Variants in RP1L1 observed in about 807,000 individuals in gnomAD.
RP1L1 encodes the protein RP1 like 1.
RP1L1 carries 27 observed loss-of-function variants against 15.7 expected under a neutral mutation model. The observed-to-expected ratio is 1.72, with a 90% confidence interval of 1.27 to 2.38. The LOEUF (loss-of-function observed/expected upper bound fraction) is 2.38, where lower values mean the gene tolerates loss of function less well. Ranked by LOEUF, RP1L1 falls within the 30% of genes most tolerant of loss-of-function variation. RP1L1 has a pLI of 0.00. For synonymous variants in RP1L1, 1,813 were observed against 1,276.7 expected (o/e 1.42, Z -8.96); for missense variants, 4,798 against 3,075.9 (o/e 1.56, Z -13.24).
In RP1L1 at chr8:10,611,911, G is replaced by A. The variant is rs771202307; in HGVS notation, c.2187C>T (p.Ser729=). 4 of 1,613,790 alleles carry A rather than the reference G, an allele frequency of 2.5e-6. No homozygotes were observed. The highest frequency in any genetic ancestry group is 3.4e-6 in the Non-Finnish European group (4 of 1,180,046). The change falls in exon 4 of 4, where the codon TCC becomes TCT. Residue 729 remains serine, a synonymous_variant. Coordinates refer to ENST00000382483, the MANE Select transcript of RP1L1 (RefSeq NM_178857.6). ...LRPPSSGSLP[S]QDLLGTSSAT... is the part of the protein sequence containing the mutation. Reference sequence around the variant, plus strand: ...CACTGCTGGTTCCCAGAAGGTCCTGGGAAGGAAGAGAGCCCGAGGAGGGAG... The same window carrying A: ...CACTGCTGGTTCCCAGAAGGTCCTGAGAAGGAAGAGAGCCCGAGGAGGGAG...
rs530918798 is a variant in RP1L1, at chr8:10,608,166, C to G, written c.5932G>C (p.Glu1978Gln). Residue 1978 changes from glutamate to glutamine, a missense_variant, in exon 4 of 4, where the codon GAG (glutamate) becomes CAG (glutamine). Physicochemically the swap from Glu to Gln is conservative, Grantham distance 29 (BLOSUM62 2). Coordinates refer to ENST00000382483, the MANE Select transcript of RP1L1 (RefSeq NM_178857.6). ...EEAQPESEDV[E>Q]ALEVEVETQE... ...GTCTCCACTTCAACCTCCAGGGCCT[C>G]TACATCTTCTGACTCTGGCTGGGCT... is the stretch of plus-strand genomic sequence containing the variant. 1.2e-6 allele frequency: 2 copies of G among 1,610,600 alleles called. No individual in the cohort carries two copies. Among genetic ancestry groups the G allele is most frequent in the Non-Finnish European group, 1.7e-6 (2 of 1,179,494 alleles).
chr8:10,623,784 C>T (rs1173717756), intron 1 of RP1L1, among the ~76,000 whole-genome samples: 3 of 151,984 alleles, frequency 2.0e-5, no homozygotes, highest in African/African-American at 7.3e-5. Flanking sequence ...GTCCCCAGCA[C>T]AGCACCACAT....
intron 1 of RP1L1, among the ~76,000 whole-genome samples, chr8:10,636,191 C>G (rs949273400): frequency 1.3e-5 from 2 of 152,220 alleles, no homozygotes; most frequent in Non-Finnish European, 2.9e-5. Context: ...ATCGCTCAGA[C>G]TTTCTGGGTC....
At chr8:10,621,920 C>T in intron 2 of RP1L1, 4 of 387,328 alleles carry the variant, frequency 1.0e-5, no homozygotes, top group South Asian at 5.8e-5. Context: ...AAACATGAAG[C>T]CCTCCAACGC....
At position 10,609,607 on chromosome 8, in the gene RP1L1, C is replaced by T. The variant is rs1244527584; in HGVS notation, c.4491G>A (p.Gln1497=). Residue 1497 remains glutamine, a synonymous_variant, in exon 4 of 4, where the codon CAG becomes CAA. Transcript: ENST00000382483. The stretch of plus-strand genomic sequence containing the variant: ...CCGAAGAGCTCCTCTCTGCAGCCCC[C>T]TGGGTGGGTTGGGCCTGCGTGTGCT... The part of the protein sequence containing the change: ...GQEHTQAQPT[Q]GAAERSSSVA... 1.2e-6 allele frequency: 2 copies of T among 1,607,168 alleles called. No homozygotes were observed. Among genetic ancestry groups the T allele is most frequent in the Non-Finnish European group, 1.7e-6 (2 of 1,179,812 alleles).
intron 1 of RP1L1, among the ~76,000 whole-genome samples, chr8:10,644,239 C>G (rs1046459549): frequency 5.4e-5 from 8 of 149,230 alleles, no homozygotes; most frequent in African/African-American, 2.0e-4. Flanking sequence ...TCTCACTAGG[C>G]AGTAAGGACT....
intron 2 of RP1L1, among the ~76,000 whole-genome samples, chr8:10,617,392 T>C (rs1340965170): frequency 1.9e-5 from 2 of 107,208 alleles, no homozygotes; most frequent in African/African-American, 3.8e-5. Flanking sequence ...AAGGGTATGC[T>C]CATTAACAAA....
intron 1 of RP1L1, among the ~76,000 whole-genome samples, chr8:10,636,773 C>T (rs150820839): frequency 6.6e-4 from 100 of 152,338 alleles, no homozygotes; most frequent in African/African-American, 2.3e-3. Flanking sequence ...CCCAGCCGGG[C>T]CTGACCCCTC....
At chr8:10,646,242 C>G (rs1798476404) in intron 1 of RP1L1, among the ~76,000 whole-genome samples, 1 of 152,218 alleles carries the variant, frequency 6.6e-6, no homozygotes, top group African/African-American at 2.4e-5. Flanking sequence ...GAAGAAGACG[C>G]TATTCTATCT....
intron 3 of RP1L1, among the ~76,000 whole-genome samples, chr8:10,614,363 C>A (rs890404569): frequency 3.3e-5 from 5 of 152,110 alleles, no homozygotes; most frequent in Non-Finnish European, 5.9e-5. Context: ...AAAGGAGTGG[C>A]TCTAAGAAAG....
chr8:10,645,678 C>A (rs551788602), intron 1 of RP1L1, among the ~76,000 whole-genome samples: 1 of 152,282 alleles, frequency 6.6e-6, no homozygotes, highest in South Asian at 2.1e-4. Flanking sequence ...GAAGGAGTCG[C>A]GAGGCTGCGA....
chr8:10,616,958 C>G (rs998704931), intron 2 of RP1L1, among the ~76,000 whole-genome samples: 30 of 152,294 alleles, frequency 2.0e-4, no homozygotes, highest in African/African-American at 7.2e-4. Flanking sequence ...CGCCCTCCAG[C>G]TCCCACAGCG....
intron 1 of RP1L1, among the ~76,000 whole-genome samples, chr8:10,626,991 A>G (rs1156989668): frequency 6.6e-6 from 1 of 152,130 alleles, no homozygotes; most frequent in Non-Finnish European, 1.5e-5. Context: ...AAACCAGAAA[A>G]CACGTGTTGG....
rs867798619 is a variant in RP1L1 at position 10,610,564 on chromosome 8, G to A, written c.3534C>T (p.Ser1178=). The A allele has an allele frequency of 8.1e-6, 13 of 1,613,646 alleles. No individual in the cohort carries two copies. In the Middle Eastern group the frequency reaches 1.3e-3, roughly 164 times the overall value. The change falls in exon 4 of 4, where the codon AGC becomes AGT. Residue 1178 remains serine (S), a synonymous_variant. Coordinates refer to ENST00000382483, the MANE Select transcript of RP1L1 (RefSeq NM_178857.6). The part of the protein sequence containing the change: ...LDSGLWELTW[S]QALPDLGSHA... The stretch of plus-strand genomic sequence containing the variant: ...GGGACCCAAGGTCTGGCAGAGCCTG[G>A]CTCCATGTGAGCTCCCAGAGGCCTG...
chr8:10,644,593 A>T (rs1020364481), intron 1 of RP1L1, among the ~76,000 whole-genome samples: 1 of 151,984 alleles, frequency 6.6e-6, no homozygotes, highest in Non-Finnish European at 1.5e-5. Context: ...TAATTCATTC[A>T]CCTCCCTGGA....
intron 1 of RP1L1, among the ~76,000 whole-genome samples, chr8:10,631,559 A>G (rs1179076202): frequency 2.0e-5 from 3 of 152,210 alleles, no homozygotes; most frequent in African/African-American, 7.2e-5. Flanking sequence ...CTGTTCCTAC[A>G]GTTACCTAGA....
At chr8:10,622,255 G>C (rs562119866) in intron 2 of RP1L1, among the ~76,000 whole-genome samples, 13 of 151,828 alleles carry the variant, frequency 8.6e-5, no homozygotes, top group Admixed American at 5.2e-4. Context: ...AGAAGGCAGA[G>C]GTTGCAGTGA....
In RP1L1 at chr8:10,608,615, T is replaced by G. The variant is rs772616971; in HGVS notation, c.5483A>C (p.Gln1828Pro). 6.8e-6 allele frequency: 11 copies of G among 1,614,056 alleles called. No homozygotes were observed. In the East Asian group the frequency reaches 1.8e-4, roughly 26 times the overall value. The change falls in exon 4 of 4, where the codon CAG becomes CCG. Residue 1828 changes from glutamine to proline, a missense_variant. Transcript: ENST00000382483. ...CTCTATGCCTTCGGCCCCATCACTC[T>G]GTCCTGGATCTTGGTCACCTCCTGC... is the stretch of plus-strand genomic sequence containing the variant. ...AAAGGDQDPGQSDGAEGIEAP... is the reference protein window; with the variant it reads ...AAAGGDQDPGPSDGAEGIEAP...
rs1312688084 is a variant in RP1L1, at chr8:10,609,014, C to T, written c.5084G>A (p.Arg1695Lys). 2 of 1,613,500 alleles carry T rather than the reference C, an allele frequency of 1.2e-6. No individual in the cohort carries two copies. Among genetic ancestry groups the T allele is most frequent in the Admixed American group, 1.7e-5 (1 of 60,000 alleles). Residue 1695 changes from arginine (R) to lysine (K), a missense_variant, in exon 4 of 4, where the codon AGG becomes AAG. Coordinates refer to ENST00000382483, the MANE Select transcript of RP1L1 (RefSeq NM_178857.6). ...EAFDLQQILQ[R>K]KRGEHTDGEA... ...CCCATCAGTGTGTTCTCCCCTCTTC[C>T]TCTGCAGAATCTGCTGCAGGTCAAA...
Sources: gnomAD v4.1 joint callset for allele counts (sites outside exome capture counted in the v4.1 genomes callset) on GRCh38, gnomAD v4.1.1 for gene constraint, MANE v1.5 for transcripts, NCBI Gene and HGNC (gene_info 2026-07-23, HGNC 2026-07-21) for gene names.